GALNTL6: variants seen among roughly 807,000 people sequenced by gnomAD.
GALNTL6 encodes polypeptide N-acetylgalactosaminyltransferase-like 6.
Under a neutral mutation model 73.7 loss-of-function variants are expected in GALNTL6, and 46 were observed. The observed-to-expected ratio is 0.62, with a 90% confidence interval of 0.49 to 0.80. The LOEUF (loss-of-function observed/expected upper bound fraction) is 0.80, where lower values mean the gene tolerates loss of function less well. Among genes scored for constraint, GALNTL6 ranks in the 30% least tolerant of loss-of-function variants. GALNTL6 has a pLI of 0.00. For missense variants in GALNTL6, 604 were observed against 755.0 expected (o/e 0.80, Z 2.34); for synonymous variants, 259 against 263.7 (o/e 0.98, Z 0.17).
At chr4:172,714,490 A>G (rs1037356595) in intron 5 of GALNTL6, among the ~76,000 whole-genome samples, 18 of 152,330 alleles carry the variant, frequency 1.2e-4, no homozygotes, top group African/African-American at 4.3e-4. Flanking sequence ...AGGCAGCCAT[A>G]AAGCAAAACA....
chr4:172,905,695 TAC>T (rs1746846238), intron 8 of GALNTL6, among the ~76,000 whole-genome samples: 1 of 150,924 alleles, frequency 6.6e-6, no homozygotes, highest in East Asian at 1.9e-4. Context: ...CCCTACATGG[TAC>T]ATAAGCCACC....
intron 2 of GALNTL6, among the ~76,000 whole-genome samples, chr4:171,909,169 GAAAAAAGA>G (rs988087000): frequency 3.2e-5 from 3 of 93,526 alleles, no homozygotes; most frequent in South Asian, 3.3e-4. Context: ...TAAATAAAAA[GAAAAAAGA>G]AAAAAAAAAA....
At chr4:172,774,491 C>T (rs1411864536) in intron 5 of GALNTL6, among the ~76,000 whole-genome samples, 2 of 152,142 alleles carry the variant, frequency 1.3e-5, no homozygotes, top group Admixed American at 6.6e-5. Flanking sequence ...AAGATTACTT[C>T]GATAGAAGTT....
intron 2 of GALNTL6, among the ~76,000 whole-genome samples, chr4:172,109,013 CAAAAAAAAAAAAAAAAAA>C (rs202017302): frequency 5.4e-4 from 59 of 108,290 alleles, no homozygotes; most frequent in African/African-American, 6.6e-4. Context: ...ACTCCATCTC[CAAAAAAAAAAAAAAAAAA>C]AAAAAAAAAA....
At chr4:172,613,958 T>G (rs531017715) in intron 5 of GALNTL6, among the ~76,000 whole-genome samples, 2 of 152,268 alleles carry the variant, frequency 1.3e-5, no homozygotes, top group East Asian at 1.9e-4. Context: ...CTTCCAAGTA[T>G]TACCCTTTGA....
At chr4:172,955,695 C>T (rs1331453643) in intron 10 of GALNTL6, among the ~76,000 whole-genome samples, 2 of 152,068 alleles carry the variant, frequency 1.3e-5, no homozygotes, top group Admixed American at 1.3e-4. Flanking sequence ...ACCAAACAGG[C>T]TTTGTGTGAG....
intron 2 of GALNTL6, among the ~76,000 whole-genome samples, chr4:172,226,238 A>AT (rs1377446658): frequency 1.3e-5 from 2 of 151,910 alleles, no homozygotes; most frequent in African/African-American, 4.8e-5. Flanking sequence ...ACTGTTCTCT[A>AT]TTTTTTCCTA....
intron 2 of GALNTL6, among the ~76,000 whole-genome samples, chr4:172,066,454 G>A (rs890271688): frequency 2.6e-5 from 4 of 151,464 alleles, no homozygotes; most frequent in African/African-American, 9.7e-5. Flanking sequence ...TCTCAAAGCA[G>A]CTAAGTTTCT....
At chr4:172,129,631 C>G (rs1249168824) in intron 2 of GALNTL6, among the ~76,000 whole-genome samples, 1 of 151,968 alleles carries the variant, frequency 6.6e-6, no homozygotes, top group South Asian at 2.1e-4. Context: ...AAATGTTAAC[C>G]CAGGCATACA....
chr4:172,716,814 C>T (rs887822916), intron 5 of GALNTL6, among the ~76,000 whole-genome samples: 2 of 152,146 alleles, frequency 1.3e-5, no homozygotes, highest in Admixed American at 6.5e-5. Context: ...TCTAAGTCCG[C>T]CTAAGTCTCA....
chr4:172,996,597 T>C (rs759168626), intron 10 of GALNTL6, among the ~76,000 whole-genome samples: 2 of 152,206 alleles, frequency 1.3e-5, no homozygotes, highest in Non-Finnish European at 2.9e-5. Flanking sequence ...AGGGCTCTCA[T>C]TCTCATGTGA....
intron 5 of GALNTL6, among the ~76,000 whole-genome samples, chr4:172,492,212 A>G (rs890440043): frequency 3.3e-5 from 5 of 152,186 alleles, no homozygotes; most frequent in Non-Finnish European, 7.4e-5. Flanking sequence ...TATAAAATCC[A>G]TTAGTGTGAT....
At chr4:172,812,746 T>C (rs1280482198) in intron 6 of GALNTL6, among the ~76,000 whole-genome samples, 1 of 152,228 alleles carries the variant, frequency 6.6e-6, no homozygotes, top group Non-Finnish European at 1.5e-5. Context: ...CTTAACAAGT[T>C]ATTTAATTTC....
Position 172,581,864 on chromosome 4 carries a change from G to A in GALNTL6, c.554-227497G>A, listed in dbSNP as rs148775454. The stretch of plus-strand genomic sequence containing the variant: ...AACTGTTGCTTGCCCTCTGAAGGAG[G>A]TAAAAGTCTTTGATCTTCAGACCAG... On this transcript the variant is annotated intron_variant, in intron 5 of 12. Transcript: ENST00000506823. Among the ~76,000 whole-genome samples the A allele has an allele frequency of 7.3e-3, 1,105 of 152,316 alleles. 20 individuals are homozygous for A. The highest frequency in any genetic ancestry group is 0.025 in the African/African-American group (1,045 of 41,560).
chr4:172,417,996 G>A (rs182763338), intron 5 of GALNTL6, among the ~76,000 whole-genome samples: 530 of 152,218 alleles, frequency 3.5e-3, no homozygotes, highest in Non-Finnish European at 6.4e-3. Flanking sequence ...TTCAGATGTA[G>A]TCAGCAGCTT....
intron 2 of GALNTL6, among the ~76,000 whole-genome samples, chr4:172,064,530 A>G (rs911306694): frequency 1.3e-5 from 2 of 152,212 alleles, no homozygotes. Flanking sequence ...CTTTGAATAT[A>G]TATTTAAATT....
intron 5 of GALNTL6, among the ~76,000 whole-genome samples, chr4:172,476,121 A>G (rs1398599655): frequency 6.6e-6 from 1 of 152,250 alleles, no homozygotes; most frequent in Admixed American, 6.5e-5. Flanking sequence ...GGTCCATTCC[A>G]GATGCTAAAA....
At chr4:171,960,644 T>C (rs1347665132) in intron 2 of GALNTL6, among the ~76,000 whole-genome samples, 1 of 140,492 alleles carries the variant, frequency 7.1e-6, no homozygotes, top group African/African-American at 2.8e-5. Flanking sequence ...AAAATGTATA[T>C]ATAAATTTTT....
At chr4:172,627,963 G>A (rs1453714477) in intron 5 of GALNTL6, among the ~76,000 whole-genome samples, 1 of 150,866 alleles carries the variant, frequency 6.6e-6, no homozygotes, top group Non-Finnish European at 1.5e-5. Context: ...TTTTGGTTTT[G>A]GTGATTCTTT....
Sources: gnomAD v4.1 joint callset for allele counts (sites outside exome capture counted in the v4.1 genomes callset) on GRCh38, gnomAD v4.1.1 for gene constraint, MANE v1.5 for transcripts, NCBI Gene and HGNC (gene_info 2026-07-23, HGNC 2026-07-21) for gene names.